ATP6V1A: variants seen among roughly 807,000 people sequenced by gnomAD.
ATP6V1A encodes the protein ATPase H+ transporting V1 subunit A, also known as V-type proton ATPase catalytic subunit A.
A neutral mutation model predicts 70.1 loss-of-function variants in ATP6V1A; 18 were observed. That is an observed-to-expected ratio of 0.26 (90% CI 0.18 to 0.38). The LOEUF (loss-of-function observed/expected upper bound fraction) is 0.38, where lower values mean the gene tolerates loss of function less well. Among genes scored for constraint, ATP6V1A ranks in the 10% least tolerant of loss-of-function variants. ATP6V1A has a pLI of 1.00. For missense variants in ATP6V1A, 424 were observed against 772.4 expected, an observed-to-expected ratio of 0.55 and a Z score of 5.35; for synonymous variants, 232 against 253.8, an observed-to-expected ratio of 0.91 and a Z score of 0.82.
intron 1 of ATP6V1A, among the ~76,000 whole-genome samples, chr3:113,762,419 T>A (rs913841701): frequency 6.6e-6 from 1 of 151,984 alleles, no homozygotes; most frequent in Admixed American, 6.6e-5. Context: ...AAATACAAAA[T>A]TAGCTGGGCG....
chr3:113,769,414 T>C (rs1244172755), intron 1 of ATP6V1A, among the ~76,000 whole-genome samples: 1 of 152,200 alleles, frequency 6.6e-6, no homozygotes, highest in Non-Finnish European at 1.5e-5. Flanking sequence ...TTAGATAGAA[T>C]GTATTTTTTC....
intron 8 of ATP6V1A, among the ~76,000 whole-genome samples, chr3:113,792,427 TC>T (rs1456695673): frequency 6.6e-6 from 1 of 152,162 alleles, no homozygotes; most frequent in Non-Finnish European, 1.5e-5. Flanking sequence ...AGCTTTGACC[TC>T]CTGGTCTCAA....
chr3:113,781,299 C>G, intron 3 of ATP6V1A, 121 bp downstream of exon 3: 1 of 1,140,454 alleles, frequency 8.8e-7, no homozygotes, highest in Non-Finnish European at 1.2e-6. Flanking sequence ...GGTGGATCAC[C>G]TGAGGTCAGG....
In ATP6V1A at chr3:113,810,017, CTTTTTA is replaced by C. The variant is rs938847345; in HGVS notation, c.*602_*607del. Reference sequence around the variant, plus strand: ...GTGAGAAACCATTGGGAACTATACTCTTTTTATTTTTATTTTTTATTTTTTTTATTA... The same window carrying C: ...GTGAGAAACCATTGGGAACTATACTCTTTTTATTTTTTATTTTTTTTATTA... On this transcript the variant is annotated 3_prime_UTR_variant, in exon 15 of 15. Coordinates refer to ENST00000273398, the MANE Select transcript of ATP6V1A (RefSeq NM_001690.4). 10 of 151,948 alleles carry C rather than the reference CTTTTTA, an allele frequency of 6.6e-5. No homozygotes were observed. Among genetic ancestry groups the C allele is most frequent in the African/African-American group, 1.9e-4 (8 of 41,466 alleles). The allele number at this position is 151,948 out of a possible 1,614,324, so 9.4% of individuals were successfully genotyped here.
At chr3:113,766,982 C>T (rs1010405473) in intron 1 of ATP6V1A, among the ~76,000 whole-genome samples, 3 of 151,784 alleles carry the variant, frequency 2.0e-5, no homozygotes, top group East Asian at 3.9e-4. Flanking sequence ...TCAAATAATA[C>T]CTATTTCATA....
chr3:113,805,296 G>A, intron 13 of ATP6V1A, 58 bp from the exon 14 acceptor site: 1 of 1,519,438 alleles, frequency 6.6e-7, no homozygotes, highest in South Asian at 1.2e-5. Context: ...TTTATATAAA[G>A]TATGAACCTG....
rs770874212 is a variant in ATP6V1A at position 113,809,395 on chromosome 3, A to T, written c.1822A>T (p.Met608Leu). 1 of 1,613,930 alleles carries T rather than the reference A, an allele frequency of 6.2e-7. No individual in the cohort carries two copies. The change falls in exon 15 of 15, where the codon ATG becomes TTG. Residue 608 changes from methionine (M) to leucine (L), a missense_variant. Met to Leu is a conservative substitution (Grantham distance 15, BLOSUM62 2). Coordinates refer to ENST00000273398, the MANE Select transcript of ATP6V1A (RefSeq NM_001690.4). ...CGACTATGCACAACTTCTTGAAGAC[A>T]TGCAGAATGCATTCCGTAGCCTTGA... ...KSDYAQLLED[M>L]QNAFRSLED
chr3:113,769,593 A>G (rs1708810619), intron 1 of ATP6V1A, among the ~76,000 whole-genome samples: 1 of 152,212 alleles, frequency 6.6e-6, no homozygotes, highest in Non-Finnish European at 1.5e-5. Context: ...CTTTGGTAAT[A>G]AAAAGAATAA....
chr3:113,796,881 T>C (rs1709157505), intron 11 of ATP6V1A, among the ~76,000 whole-genome samples: 1 of 152,216 alleles, frequency 6.6e-6, no homozygotes, highest in Non-Finnish European at 1.5e-5. Context: ...CAGTTGTTGT[T>C]GGATTGGCCC....
chr3:113,802,820 G>C (rs547632143), intron 12 of ATP6V1A: 1 of 152,232 alleles, frequency 6.6e-6, no homozygotes, highest in Admixed American at 6.6e-5. Context: ...ATGCCACCAC[G>C]CCTGGGTAAT....
chr3:113,775,003 G>A (rs1708892266), intron 1 of ATP6V1A, among the ~76,000 whole-genome samples: 1 of 152,114 alleles, frequency 6.6e-6, no homozygotes, highest in Non-Finnish European at 1.5e-5. Flanking sequence ...TACTTTGAGG[G>A]ACAATGGAAG....
At chr3:113,754,457 C>T (rs528292038) in intron 1 of ATP6V1A, among the ~76,000 whole-genome samples, 8 of 151,862 alleles carry the variant, frequency 5.3e-5, no homozygotes, top group Admixed American at 3.3e-4. Context: ...CACTTGATCC[C>T]GGGGCATTCA....
At chr3:113,767,611 C>T (rs1708788384) in intron 1 of ATP6V1A, among the ~76,000 whole-genome samples, 1 of 151,924 alleles carries the variant, frequency 6.6e-6, no homozygotes, top group Non-Finnish European at 1.5e-5. Flanking sequence ...CTGTTTCACC[C>T]AATATTGCAC....
intron 8 of ATP6V1A, among the ~76,000 whole-genome samples, chr3:113,793,169 A>G (rs930116552): frequency 2.6e-5 from 4 of 151,850 alleles, no homozygotes; most frequent in African/African-American, 4.8e-5. Flanking sequence ...AAGCAGTTCT[A>G]CAACCTCAGC....
At chr3:113,803,330 T>C in intron 12 of ATP6V1A, 2 of 301,304 alleles carry the variant, frequency 6.6e-6, no homozygotes, top group Non-Finnish European at 1.2e-5. Context: ...CTCTAGAGAT[T>C]TGTTTCACAG....
intron 1 of ATP6V1A, among the ~76,000 whole-genome samples, chr3:113,770,349 C>G (rs991222998): frequency 3.9e-5 from 6 of 152,074 alleles, no homozygotes; most frequent in African/African-American, 1.4e-4. Flanking sequence ...CGAGACTGGC[C>G]TCATGCTTTT....
In ATP6V1A at chr3:113,809,558, A is replaced by G. The variant is rs1709318748; in HGVS notation, c.*131A>G. 5 of 748,856 alleles carry G rather than the reference A, an allele frequency of 6.7e-6. No individual in the cohort carries two copies. The highest frequency in any genetic ancestry group is 1.1e-5 in the Non-Finnish European group (5 of 467,946). The allele number at this position is 748,856 out of a possible 1,614,324, so 46.4% of individuals were successfully genotyped here. A position where few individuals can be genotyped will look rare whatever the true frequency, so the allele number is the denominator to read the frequency against. The stretch of plus-strand genomic sequence containing the variant: ...TTTGAGACTAGTGCCTATGTGTGTT[A>G]TTTGTTTCCCTGTTTTTTTGGTAGG... On this transcript the variant is annotated 3_prime_UTR_variant, in exon 15 of 15. Coordinates refer to ENST00000273398, the MANE Select transcript of ATP6V1A (RefSeq NM_001690.4).
chr3:113,790,569 G>A (rs186659355), intron 8 of ATP6V1A, among the ~76,000 whole-genome samples: 32 of 152,096 alleles, frequency 2.1e-4, no homozygotes, highest in East Asian at 1.5e-3. Context: ...CTTTGGTTCC[G>A]TTTCCATCCC....
Position 113,778,758 on chromosome 3 carries a change from A to G in ATP6V1A, c.5A>G (p.Asp2Gly), listed in dbSNP as rs781561674. The G allele has an allele frequency of 6.3e-7, 1 of 1,585,308 alleles. No homozygotes were observed. The highest frequency in any genetic ancestry group is 8.6e-7 in the Non-Finnish European group (1 of 1,167,042). Residue 2 changes from aspartate (D) to glycine (G), a missense_variant, in exon 2 of 15, where the codon GAT becomes GGT. By Grantham distance (94) the Asp-to-Gly change is moderately conservative (BLOSUM62 -1). Transcript: ENST00000273398. The part of the protein sequence containing the change: M[D>G]FSKLPKILDE... ...TACTATAGGTAAACTAACATTATGG[A>G]TTTTTCCAAGCTACCCAAAATACTC... is the stretch of plus-strand genomic sequence containing the variant.
Sources: gnomAD v4.1 joint callset for allele counts (sites outside exome capture counted in the v4.1 genomes callset) on GRCh38, gnomAD v4.1.1 for gene constraint, MANE v1.5 for transcripts, NCBI Gene and HGNC (gene_info 2026-07-23, HGNC 2026-07-21) for gene names.